Variants in RFWD3 observed in about 807,000 individuals in gnomAD.
The protein encoded by RFWD3 is E3 ubiquitin-protein ligase RFWD3.
In RFWD3, 65 loss-of-function variants were observed where a neutral mutation model predicts 87.7. That is an observed-to-expected ratio of 0.74 (90% CI 0.61 to 0.91). The LOEUF is 0.91. RFWD3 is among the 40% of genes least tolerant of loss of function. The pLI is 0.00. For missense variants in RFWD3, 1,078 were observed against 938.5 expected, an observed-to-expected ratio of 1.15 and a Z score of -1.94; for synonymous variants, 433 against 352.8, an observed-to-expected ratio of 1.23 and a Z score of -2.55.
In RFWD3 at chr16:74,666,819, C is replaced by CCCGCCGAAGACTTGGTAGTTACCT. The variant is rs1814989787; in HGVS notation, c.-37_-36insAGGTAACTACCAAGTCTTCGGCGG. The CCCGCCGAAGACTTGGTAGTTACCT allele has an allele frequency of 2.8e-5, 1 of 35,436 alleles. No homozygotes were observed. 2.2% of individuals were successfully genotyped at this position (35,436 alleles called of 1,614,324 possible). A position where few individuals can be genotyped will look rare whatever the true frequency, so the allele number is the denominator to read the frequency against. On this transcript the variant is annotated 5_prime_UTR_variant, in exon 1 of 13. Coordinates refer to ENST00000361070, the MANE Select transcript of RFWD3 (RefSeq NM_018124.4). ...AGCAGGCCGCGGCCGGGCTCGCGAG[C>CCCGCCGAAGACTTGGTAGTTACCT]CCGCCGAAGACTCGGTAGTTACCTC...
intron 8 of RFWD3, among the ~76,000 whole-genome samples, chr16:74,635,175 G>T (rs1959183857): frequency 6.6e-6 from 1 of 152,032 alleles, no homozygotes; most frequent in African/African-American, 2.4e-5. Context: ...AGCTACTCAG[G>T]AGGCTGAGGC....
At chr16:74,630,638 T>C (rs1049339914) in intron 10 of RFWD3, 143 bp downstream of exon 10, 1 of 588,100 alleles carries the variant, frequency 1.7e-6, no homozygotes, top group Admixed American at 3.6e-5. Context: ...ATGTTATTGA[T>C]TCTGAAGTGA....
intron 2 of RFWD3, among the ~76,000 whole-genome samples, chr16:74,656,326 A>G (rs1009005135): frequency 1.3e-4 from 19 of 151,308 alleles, no homozygotes; most frequent in Admixed American, 6.6e-5. Context: ...AAAAAAAAAA[A>G]AAAAAGAAAA....
chr16:74,638,573 T>C (rs541217875), intron 6 of RFWD3, among the ~76,000 whole-genome samples: 38 of 152,216 alleles, frequency 2.5e-4, no homozygotes, highest in African/African-American at 7.9e-4. Context: ...CAGTAAGATA[T>C]GCAAGAAAAA....
chr16:74,660,944 G>A lies in RFWD3; in HGVS notation c.506C>T (p.Thr169Ile). The change falls in exon 2 of 13, where the codon ACA becomes ATA. Residue 169 changes from threonine to isoleucine, a missense_variant. Physicochemically the swap from Thr to Ile is moderately conservative, Grantham distance 89. Transcript: ENST00000361070. ...TATATTTATTTACCTGGCACTGTCTGTCCTCTGAGACCCTCCGGCTCTTGC... is the reference window on the plus strand; with the variant it reads ...TATATTTATTTACCTGGCACTGTCTATCCTCTGAGACCCTCCGGCTCTTGC... ...RRARAGGSQR[T>I]DSARLRAPLD... The A allele has an allele frequency of 1.9e-6, 3 of 1,612,878 alleles. No homozygotes were observed. The highest frequency in any genetic ancestry group is 1.7e-5 in the Admixed American group (1 of 59,978).
At chr16:74,657,974 A>AGACG (rs1961130517) in intron 2 of RFWD3, among the ~76,000 whole-genome samples, 1 of 152,240 alleles carries the variant, frequency 6.6e-6, no homozygotes, top group Non-Finnish European at 1.5e-5. Context: ...AAAAAGTGAT[A>AGACG]GACGATTAAA....
rs1018995163 is a variant in RFWD3, at chr16:74,662,702, A to G, written c.-2-1251T>C. On this transcript the variant is annotated intron_variant, in intron 1 of 12. Transcript: ENST00000361070. The stretch of plus-strand genomic sequence containing the variant: ...GGGTTTCACTGATGAACAGGACACC[A>G]TTATTAAAGGGCCTATGGGCCTTGG... Among the ~76,000 whole-genome samples, 7 of 152,134 alleles carry G rather than the reference A, an allele frequency of 4.6e-5. No homozygotes were observed. The East Asian group carries it at 1.3e-3, about 29-fold the overall frequency.
intron 4 of RFWD3, among the ~76,000 whole-genome samples, chr16:74,647,528 C>G (rs1960243300): frequency 6.6e-6 from 1 of 151,340 alleles, no homozygotes; most frequent in Non-Finnish European, 1.5e-5. Flanking sequence ...GCTCAGGTGA[C>G]TCACCCACCT....
At chr16:74,658,918 C>A (rs1961211322) in intron 2 of RFWD3, among the ~76,000 whole-genome samples, 1 of 152,056 alleles carries the variant, frequency 6.6e-6, no homozygotes, top group South Asian at 2.1e-4. Context: ...CAGGTGTGTG[C>A]CACCACGCCC....
intron 2 of RFWD3, among the ~76,000 whole-genome samples, chr16:74,656,625 T>C (rs1597454075): frequency 1.3e-5 from 2 of 152,006 alleles, no homozygotes; most frequent in Non-Finnish European, 2.9e-5. Context: ...CCCAGCTAAT[T>C]TTTGTATTTT....
At chr16:74,659,856 T>C (rs776773920) in intron 2 of RFWD3, among the ~76,000 whole-genome samples, 4 of 152,186 alleles carry the variant, frequency 2.6e-5, no homozygotes, top group Non-Finnish European at 5.9e-5. Flanking sequence ...ATAGATGACC[T>C]AGCTACCACT....
In RFWD3 at chr16:74,623,839, G is replaced by T; in HGVS notation, c.*89C>A. The stretch of plus-strand genomic sequence containing the variant: ...ATGATTCCCAATGTTCTAGACTGCA[G>T]ACAATAAACAGGGATCTTGCTTGGG... On this transcript the variant is annotated 3_prime_UTR_variant, in exon 13 of 13. Coordinates refer to ENST00000361070, the MANE Select transcript of RFWD3 (RefSeq NM_018124.4). 4 of 1,400,130 alleles carry T rather than the reference G, an allele frequency of 2.9e-6. No individual in the cohort carries two copies. The highest frequency in any genetic ancestry group is 3.0e-6 in the Non-Finnish European group (3 of 1,003,716). The allele number at this position is 1,400,130 out of a possible 1,614,324, so 86.7% of individuals were successfully genotyped here. A position where few individuals can be genotyped will look rare whatever the true frequency, so the allele number is the denominator to read the frequency against.
rs760303768 is a variant in RFWD3, at chr16:74,644,270, C to T, written c.1079+92G>A. 38 of 1,221,594 alleles carry T rather than the reference C, an allele frequency of 3.1e-5. No homozygotes were observed. In the Middle Eastern group the frequency reaches 8.1e-4, roughly 26 times the overall value. 75.7% of individuals were successfully genotyped at this position (1,221,594 alleles called of 1,614,324 possible). A position where few individuals can be genotyped will look rare whatever the true frequency, so the allele number is the denominator to read the frequency against. ...ATCCCAAGTCACAGGTCAAGTAAAA[C>T]CTCACTACGAGTGACTCATAACTTC... On this transcript the variant is annotated intron_variant, in intron 6 of 12. Coordinates refer to ENST00000361070, the MANE Select transcript of RFWD3 (RefSeq NM_018124.4).
chr16:74,636,608 G>A (rs1597422842), intron 7 of RFWD3, 31 bp from the exon 8 acceptor site: 1 of 1,503,740 alleles, frequency 6.7e-7, no homozygotes, highest in Non-Finnish European at 9.1e-7. Flanking sequence ...TAAATACAAA[G>A]CTTTTTAATT....
At chr16:74,653,427 G>C (rs1202052926) in intron 2 of RFWD3, among the ~76,000 whole-genome samples, 1 of 151,916 alleles carries the variant, frequency 6.6e-6, no homozygotes, top group African/African-American at 2.4e-5. Context: ...GCCACAGAGA[G>C]TGAGCGAGCT....
chr16:74,640,078 G>A (rs1362152021), intron 6 of RFWD3, among the ~76,000 whole-genome samples: 9 of 151,954 alleles, frequency 5.9e-5, no homozygotes. Context: ...ATTCACTGGG[G>A]GCTCTTGAAA....
intron 2 of RFWD3, among the ~76,000 whole-genome samples, chr16:74,652,547 G>A (rs951216740): frequency 6.6e-6 from 1 of 152,168 alleles, no homozygotes; most frequent in Non-Finnish European, 1.5e-5. Context: ...GTATTTTGGA[G>A]TACAGTACAG....
At chr16:74,656,392 A>AT (rs939264034) in intron 2 of RFWD3, among the ~76,000 whole-genome samples, 17 of 147,272 alleles carry the variant, frequency 1.2e-4, no homozygotes, top group African/African-American at 3.7e-4. Flanking sequence ...TTTTTATTTT[A>AT]TTTTTTTTAA....
intron 10 of RFWD3, 55 bp from the exon 11 acceptor site, chr16:74,628,721 G>C: frequency 6.6e-7 from 1 of 1,522,476 alleles, no homozygotes; most frequent in South Asian, 1.1e-5. Context: ...GACGGCTCCA[G>C]ACCCCACTAC....
Sources: allele counts gnomAD v4.1 joint callset (sites outside exome capture counted in the v4.1 genomes callset), GRCh38; gene constraint gnomAD v4.1.1; transcripts MANE v1.5; gene names NCBI Gene and HGNC (gene_info 2026-07-23, HGNC 2026-07-21).